Variants in DCAF8L2 observed in about 807,000 individuals in gnomAD.
DCAF8L2 encodes DDB1- and CUL4-associated factor 8-like protein 2.
For missense variants in DCAF8L2, 430 were observed against 490.7 expected (o/e 0.88, Z 1.17); for synonymous variants, 200 against 190.9 (o/e 1.05, Z -0.39).
intron 2 of DCAF8L2, among the ~76,000 whole-genome samples, chrX:27,649,279 T>C (rs758147455): frequency 8.9e-6 from 1 of 112,247 alleles, no homozygotes; most frequent in Admixed American, 9.4e-5. Flanking sequence ...TACGAGTGCA[T>C]GTGTCTTTTT....
At chrX:27,566,399 A>C in the DCAF8L2 span, among the ~76,000 whole-genome samples, 1 of 111,070 alleles carries the variant, frequency 9.0e-6, no homozygotes, top group Admixed American at 9.7e-5. Context: ...ATTTTTGATT[A>C]GTGATTCAAT....
At chrX:27,670,775 A>G (rs6628299) in intron 2 of DCAF8L2, among the ~76,000 whole-genome samples, 50,559 of 108,642 alleles carry the variant, frequency 0.47, 8,652 homozygotes, top group Middle Eastern at 0.61. Flanking sequence ...CTCAATTCCC[A>G]CAGGAACTGG....
chrX:27,493,062 T>A, the DCAF8L2 span, among the ~76,000 whole-genome samples: 2 of 110,149 alleles, frequency 1.8e-5, no homozygotes, highest in Non-Finnish European at 3.8e-5. Context: ...TGAAACCCTG[T>A]CTGCACAAAA....
chrX:27,647,695 G>A (rs1403359543), intron 2 of DCAF8L2, among the ~76,000 whole-genome samples: 2 of 111,589 alleles, frequency 1.8e-5, no homozygotes, highest in Non-Finnish European at 3.8e-5. Context: ...GAGTGGAACA[G>A]GGAACAGGCA....
intron 3 of DCAF8L2, among the ~76,000 whole-genome samples, chrX:27,715,640 TAA>T (rs962104201): frequency 9.0e-6 from 1 of 111,404 alleles, no homozygotes; most frequent in African/African-American, 3.3e-5. Context: ...CCTAGCACAA[TAA>T]GTGTCAGTTA....
the DCAF8L2 span, among the ~76,000 whole-genome samples, chrX:27,534,051 A>T: frequency 9.1e-6 from 1 of 109,959 alleles, no homozygotes; most frequent in Non-Finnish European, 1.9e-5. Context: ...TTTACAAAAA[A>T]CCCACAAAAA....
At chrX:27,503,434 T>A in the DCAF8L2 span, among the ~76,000 whole-genome samples, 9 of 111,792 alleles carry the variant, frequency 8.1e-5, no homozygotes, top group African/African-American at 2.9e-4. Context: ...AGTTTTACCT[T>A]GTGTATTTAC....
intron 4 of DCAF8L2, among the ~76,000 whole-genome samples, chrX:27,729,498 G>T (rs1921063601): frequency 9.0e-6 from 1 of 111,577 alleles, no homozygotes. Context: ...CATTTGGCCT[G>T]CTGTAGCAGA....
At chrX:27,476,781 C>G in the DCAF8L2 span, among the ~76,000 whole-genome samples, 1 of 111,998 alleles carries the variant, frequency 8.9e-6, no homozygotes, top group Admixed American at 9.5e-5. Flanking sequence ...GCAAAATTGG[C>G]AAGTCACTTT....
At chrX:27,620,006 C>T (rs193154769) in intron 1 of DCAF8L2, among the ~76,000 whole-genome samples, 4 of 111,035 alleles carry the variant, frequency 3.6e-5, no homozygotes, top group African/African-American at 9.8e-5. Flanking sequence ...TGAAAAATTT[C>T]GAATTTTAAA....
the DCAF8L2 span, among the ~76,000 whole-genome samples, chrX:27,471,596 G>C: frequency 9.0e-6 from 1 of 111,112 alleles, no homozygotes; most frequent in Non-Finnish European, 1.9e-5. Flanking sequence ...TAAAAAAGCA[G>C]TCCCTCAAAA....
intron 4 of DCAF8L2, among the ~76,000 whole-genome samples, chrX:27,732,152 A>G (rs988269142): frequency 1.2e-4 from 13 of 111,602 alleles, no homozygotes; most frequent in Non-Finnish European, 1.7e-4. Context: ...AGCACCAGAA[A>G]TCTGCTGACT....
At chrX:27,501,137 G>A in the DCAF8L2 span, among the ~76,000 whole-genome samples, 811 of 110,869 alleles carry the variant, frequency 7.3e-3, 9 homozygotes, top group African/African-American at 0.024. Flanking sequence ...TGTAAGGACA[G>A]ATACATATAC....
At chrX:27,685,883 T>C (rs66955456) in intron 3 of DCAF8L2, among the ~76,000 whole-genome samples, 10,526 of 111,157 alleles carry the variant, frequency 0.095, 1,199 homozygotes, top group African/African-American at 0.33. Flanking sequence ...AATAACTCAA[T>C]AGCAAAAAAT....
At chrX:27,549,897 C>G in the DCAF8L2 span, among the ~76,000 whole-genome samples, 1 of 111,612 alleles carries the variant, frequency 9.0e-6, no homozygotes, top group Non-Finnish European at 1.9e-5. Flanking sequence ...CATGGGGCAG[C>G]CCACATCCAT....
chrX:27,497,506 T>TTC, the DCAF8L2 span, among the ~76,000 whole-genome samples: 4 of 48,733 alleles, frequency 8.2e-5, no homozygotes, highest in East Asian at 3.2e-3. Context: ...TATTCTTTCT[T>TTC]TCTTTCCTTC....
At chrX:27,556,188 G>A in the DCAF8L2 span, among the ~76,000 whole-genome samples, 4 of 110,991 alleles carry the variant, frequency 3.6e-5, no homozygotes, top group East Asian at 1.1e-3. Flanking sequence ...GTTCTCTTAC[G>A]TCTTATAAAT....
At chrX:27,587,985 A>AAAAAAAAATATATATATAT, upstream of DCAF8L2, among the ~76,000 whole-genome samples, 18 of 22,354 alleles carry the variant, frequency 8.1e-4, no homozygotes, top group South Asian at 4.2e-3. Context: ...TAAAAAAAAA[A>AAAAAAAAATATATATATAT]ATATATATAT....
chrX:27,706,404 G>A lies in DCAF8L2; in HGVS notation c.-142-9684G>A, dbSNP rs1426035322. ...GCATTGAATCTGTAAATTGTTTGGG[G>A]CAGTATGGCTATTTTAACATTATTG... On this transcript the variant is annotated intron_variant, in intron 3 of 4. Transcript: ENST00000451261. Among the ~76,000 whole-genome samples the A allele has an allele frequency of 3.6e-5, 4 of 110,715 alleles. No homozygotes were observed. The Admixed American group carries it at 3.9e-4, about 11-fold the overall frequency.
Sources: allele counts gnomAD v4.1 joint callset (sites outside exome capture counted in the v4.1 genomes callset), GRCh38; gene constraint gnomAD v4.1.1; transcripts MANE v1.5; gene names NCBI Gene and HGNC (gene_info 2026-07-23, HGNC 2026-07-21).